PODXL: variants seen among roughly 807,000 people sequenced by gnomAD.
The protein encoded by PODXL is podocalyxin like.
In PODXL, 20 loss-of-function variants were observed where a neutral mutation model predicts 48.9. The observed-to-expected ratio is 0.41, with a 90% CI of 0.29 to 0.59. The LOEUF (loss-of-function observed/expected upper bound fraction) is 0.59. PODXL is among the 20% of genes least tolerant of loss of function. The pLI, the probability that PODXL is intolerant of heterozygous loss-of-function variation, is 0.31. For synonymous variants in PODXL, 295 were observed against 287.4 expected, an observed-to-expected ratio of 1.03 and a Z score of -0.27; for missense variants, 606 against 675.1, an observed-to-expected ratio of 0.90 and a Z score of 1.13.
At chr7:131,506,451 G>C in intron 6 of PODXL, 128 bp downstream of exon 6, 1 of 1,417,678 alleles carries the variant, frequency 7.1e-7, no homozygotes. Context: ...CCTGGGAGGG[G>C]GTGTGGCTTG....
chr7:131,529,910 A>T (rs1034402084), intron 1 of PODXL, among the ~76,000 whole-genome samples: 2 of 148,856 alleles, frequency 1.3e-5, no homozygotes, highest in African/African-American at 4.9e-5. Flanking sequence ...CTAGCCAGTC[A>T]TTTCAGAGGG....
chr7:131,505,875 T>C lies in PODXL; in HGVS notation c.1472A>G (p.Lys491Arg). 6.4e-7 allele frequency: 1 copy of C among 1,562,638 alleles called. No homozygotes were observed. Among genetic ancestry groups the C allele is most frequent in the South Asian group, 1.2e-5 (1 of 85,070 alleles). ...CTGCAAACAGCTGCTTACCTGGTCC[T>C]TCCTCTGGGAGAGGCGCTGGTGGCA... ...GCCHQRLSQR[K>R]DQQRLTEELQ... Residue 491 changes from lysine (K) to arginine (R), a missense_variant, in exon 8 of 9, where the codon AAG (lysine) becomes AGG (arginine). By Grantham distance (26) the Lys-to-Arg change is conservative. Coordinates refer to ENST00000378555, the MANE Select transcript of PODXL (RefSeq NM_001018111.3).
At chr7:131,550,449 G>A (rs183031819) in intron 1 of PODXL, among the ~76,000 whole-genome samples, 7 of 152,234 alleles carry the variant, frequency 4.6e-5, no homozygotes, top group Non-Finnish European at 7.4e-5. Flanking sequence ...AAGGTTAGGC[G>A]TTCAAGACCA....
chr7:131,548,360 GGCACTTGGGT>G (rs751875059), intron 1 of PODXL, among the ~76,000 whole-genome samples: 1 of 152,222 alleles, frequency 6.6e-6, no homozygotes, highest in Non-Finnish European at 1.5e-5. Flanking sequence ...TTTTTGGGTA[GGCACTTGGGT>G]GCCTGAAATA....
chr7:131,507,392 G>A (rs1797827269), intron 5 of PODXL, among the ~76,000 whole-genome samples: 1 of 152,190 alleles, frequency 6.6e-6, no homozygotes, highest in African/African-American at 2.4e-5. Flanking sequence ...CAAAGATTGT[G>A]GCTGACGTGG....
intron 1 of PODXL, among the ~76,000 whole-genome samples, chr7:131,553,595 T>C (rs917493153): frequency 2.0e-5 from 3 of 152,242 alleles, no homozygotes; most frequent in African/African-American, 4.8e-5. Flanking sequence ...TATTACTTTA[T>C]AGATGAAGAA....
At chr7:131,537,466 A>G (rs1798394439) in intron 1 of PODXL, among the ~76,000 whole-genome samples, 1 of 152,152 alleles carries the variant, frequency 6.6e-6, no homozygotes, top group Admixed American at 6.5e-5. Flanking sequence ...ACGTGCCTGT[A>G]GTCTCAGCTA....
chr7:131,526,602 A>G (rs1359412216), intron 1 of PODXL, among the ~76,000 whole-genome samples: 1 of 152,164 alleles, frequency 6.6e-6, no homozygotes, highest in Non-Finnish European at 1.5e-5. Flanking sequence ...CAGATTGACA[A>G]ACATTTTAAA....
chr7:131,505,991 C>A lies in PODXL; in HGVS notation c.1356G>T (p.Glu452Asp). The A allele has an allele frequency of 6.2e-7, 1 of 1,612,762 alleles. No homozygotes were observed. The highest frequency in any genetic ancestry group is 1.1e-5 in the South Asian group (1 of 90,592). ...GCATGCTGAAGCGGTCCTCGGCCTC[C>A]TCCGGTGGCCCCTGGTCCCCTAGCT... ...DMKLGDQGPP[E>D]EAEDRFSMPL... The change falls in exon 8 of 9, where the codon GAG becomes GAT. Residue 452 changes from glutamate to aspartate, a missense_variant. Physicochemically the swap from Glu to Asp is conservative, Grantham distance 45 (BLOSUM62 2). Transcript: ENST00000378555.
At chr7:131,507,863 G>T (rs1439211353) in intron 5 of PODXL, among the ~76,000 whole-genome samples, 1 of 152,172 alleles carries the variant, frequency 6.6e-6, no homozygotes, top group African/African-American at 2.4e-5. Flanking sequence ...GTAGGCTTTT[G>T]TAAAGTTCAC....
At chr7:131,536,250 TA>T (rs1229562970) in intron 1 of PODXL, among the ~76,000 whole-genome samples, 1 of 152,088 alleles carries the variant, frequency 6.6e-6, no homozygotes, top group African/African-American at 2.4e-5. Flanking sequence ...ACTTAAAAAC[TA>T]AGATAGATTT....
chr7:131,534,285 C>G (rs1400259802), intron 1 of PODXL, among the ~76,000 whole-genome samples: 2 of 152,230 alleles, frequency 1.3e-5, no homozygotes, highest in Non-Finnish European at 1.5e-5. Context: ...AGGAGCTGAG[C>G]CTGAACCTTC....
chr7:131,524,201 C>T (rs952632354), intron 1 of PODXL, among the ~76,000 whole-genome samples: 2 of 152,082 alleles, frequency 1.3e-5, no homozygotes, highest in Admixed American at 6.6e-5. Flanking sequence ...TAATTAGTGA[C>T]GTCTCCAAAT....
intron 1 of PODXL, among the ~76,000 whole-genome samples, chr7:131,518,032 G>A (rs1562907143): frequency 6.6e-6 from 1 of 152,102 alleles, no homozygotes; most frequent in East Asian, 1.9e-4. Flanking sequence ...AGCCATCGGG[G>A]CCGGCCGTAT....
At position 131,509,418 on chromosome 7, in the gene PODXL, T is replaced by C; in HGVS notation, c.970A>G (p.Thr324Ala). The part of the protein sequence containing the change: ...MSSSPTAAST[T>A]HRYPKTPSPT... ...GAAGGTGTTTTGGGGTATCGGTGGG[T>C]AGTTGATGCTGCTGTGGGGCTGGAG... The change falls in exon 4 of 9, where the codon ACC (threonine) becomes GCC (alanine). Residue 324 changes from threonine to alanine, a missense_variant. Thr to Ala is a moderately conservative substitution (Grantham distance 58). Transcript: ENST00000378555. 4 of 1,613,804 alleles carry C rather than the reference T, an allele frequency of 2.5e-6. No homozygotes were observed. Among genetic ancestry groups the C allele is most frequent in the Non-Finnish European group, 3.4e-6 (4 of 1,179,950 alleles).
At chr7:131,527,189 A>T (rs181797924) in intron 1 of PODXL, among the ~76,000 whole-genome samples, 7 of 152,330 alleles carry the variant, frequency 4.6e-5, no homozygotes, top group African/African-American at 1.7e-4. Context: ...AGTACAGTTG[A>T]CAGTACAGCT....
In PODXL at chr7:131,511,341, T is replaced by C. The variant is rs1329934199; in HGVS notation, c.193A>G (p.Thr65Ala). 1.2e-6 allele frequency: 2 copies of C among 1,612,352 alleles called. No individual in the cohort carries two copies. The highest frequency in any genetic ancestry group is 1.7e-6 in the Non-Finnish European group (2 of 1,180,006). ...TCGTTGGCCTTGGAAGTGGGGACTG[T>C]GCTCTGCTGGGCTGTATCTGTAGCC... is the stretch of plus-strand genomic sequence containing the variant. The part of the protein sequence containing the change: ...IMATDTAQQS[T>A]VPTSKANEIL... The change falls in exon 2 of 9, where the codon ACA becomes GCA. Residue 65 changes from threonine (T) to alanine (A), a missense_variant. By Grantham distance (58) the Thr-to-Ala change is moderately conservative. Coordinates refer to ENST00000378555, the MANE Select transcript of PODXL (RefSeq NM_001018111.3).
chr7:131,552,772 C>T (rs754534411), intron 1 of PODXL, among the ~76,000 whole-genome samples: 1 of 152,150 alleles, frequency 6.6e-6, no homozygotes, highest in Non-Finnish European at 1.5e-5. Flanking sequence ...CACATTCCCC[C>T]ACCCCAGCCC....
chr7:131,534,284 G>C (rs1174679564), intron 1 of PODXL, among the ~76,000 whole-genome samples: 1 of 152,230 alleles, frequency 6.6e-6, no homozygotes, highest in Non-Finnish European at 1.5e-5. Flanking sequence ...GAGGAGCTGA[G>C]CCTGAACCTT....
Sources: gnomAD v4.1 joint callset for allele counts (sites outside exome capture counted in the v4.1 genomes callset) on GRCh38, gnomAD v4.1.1 for gene constraint, MANE v1.5 for transcripts, NCBI Gene and HGNC (gene_info 2026-07-23, HGNC 2026-07-21) for gene names.